Variants in RP1 observed in about 807,000 individuals in gnomAD.
RP1 encodes RP1 axonemal microtubule associated.
Under a neutral mutation model 14.8 loss-of-function variants are expected in RP1, and 16 were observed. That is an observed-to-expected ratio of 1.08 (90% CI 0.73 to 1.65). The LOEUF is 1.65. Ranked by LOEUF, RP1 falls within the 40% of genes most tolerant of loss-of-function variation. The pLI is 0.00. For synonymous variants in RP1, 876 were observed against 883.6 expected, an observed-to-expected ratio of 0.99 and a Z score of 0.15; for missense variants, 2,631 against 2,535.0, an observed-to-expected ratio of 1.04 and a Z score of -0.81.
At chr8:54,613,578 A>G (rs1805645979), upstream of RP1, among the ~76,000 whole-genome samples, 2 of 152,234 alleles carry the variant, frequency 1.3e-5, no homozygotes, top group African/African-American at 4.8e-5. Context: ...TGAAATGTAT[A>G]GAGAGTATAT....
At chr8:54,724,574 T>C (rs186351727) in intron 16 of RP1, among the ~76,000 whole-genome samples, 5 of 152,310 alleles carry the variant, frequency 3.3e-5, no homozygotes, top group Admixed American at 2.6e-4. Flanking sequence ...GATACAGTTT[T>C]CACTTTTTTT....
At chr8:54,864,068 A>C (rs138959055) in intron 27 of RP1, among the ~76,000 whole-genome samples, 6 of 152,328 alleles carry the variant, frequency 3.9e-5, no homozygotes, top group African/African-American at 1.4e-4. Flanking sequence ...GTGAAGTTCA[A>C]ATCTAAAATA....
intron 4 of RP1, among the ~76,000 whole-genome samples, chr8:54,652,053 G>C (rs979991929): frequency 2.0e-5 from 3 of 151,528 alleles, no homozygotes; most frequent in Non-Finnish European, 4.4e-5. Context: ...TCTCGCACAG[G>C]CTGGAGTGCA....
Position 54,589,133 on chromosome 8 carries a change from T to G in RP1, c.-13+29813T>G, listed in dbSNP as rs372155004. 5.3e-4 allele frequency among the ~76,000 whole-genome samples: 80 copies of G among 152,298 alleles called. 3 individuals carry two copies. In the South Asian group the frequency reaches 0.016, roughly 30 times the overall value. On this transcript the variant is annotated intron_variant, in intron 1 of 22. Coordinates refer to the RP1 transcript ENST00000636932. The stretch of plus-strand genomic sequence containing the variant: ...ACTGGGCCTGGCACACAGCAGGCCC[T>G]CTGTAAATCGTTGACTTCCTCTCTC...
At chr8:54,850,149 T>C (rs1271594048) in intron 25 of RP1, among the ~76,000 whole-genome samples, 1 of 152,200 alleles carries the variant, frequency 6.6e-6, no homozygotes, top group Admixed American at 6.5e-5. Context: ...ACAAATCTAC[T>C]TTTTCAAATA....
chr8:54,635,330 G>A (rs1345788713), downstream of RP1, among the ~76,000 whole-genome samples: 1 of 152,128 alleles, frequency 6.6e-6, no homozygotes, highest in Admixed American at 6.6e-5. Context: ...TAACACTAAT[G>A]TTGATAAATG....
rs57660749 is a variant in RP1 at position 54,724,345 on chromosome 8, C to A, written c.2390-2000C>A. On this transcript the variant is annotated intron_variant, in intron 16 of 22. Coordinates refer to the RP1 transcript ENST00000636932. ...TTAAAATAGAAGGTATTCAATAAAA[C>A]AAAAGACTTTTCCTAGTTGATTTTG... Among the ~76,000 whole-genome samples, 2,372 of 152,164 alleles carry A rather than the reference C, an allele frequency of 0.016. 139 individuals are homozygous for A. The East Asian group carries it at 0.18, about 11-fold the overall frequency.
At chr8:54,777,784 C>T (rs1050136836) in intron 23 of RP1, among the ~76,000 whole-genome samples, 11 of 151,994 alleles carry the variant, frequency 7.2e-5, no homozygotes, top group African/African-American at 2.7e-4. Context: ...TTTGCTAAAT[C>T]TCATTTAAAT....
At chr8:54,567,299 A>C (rs892596823) in intron 1 of RP1, among the ~76,000 whole-genome samples, 2 of 152,200 alleles carry the variant, frequency 1.3e-5, no homozygotes, top group Non-Finnish European at 2.9e-5. Flanking sequence ...TATTCTGGTA[A>C]ATGGGCCAGT....
intron 20 of RP1, among the ~76,000 whole-genome samples, chr8:54,755,101 G>A (rs924728515): frequency 3.3e-5 from 5 of 152,240 alleles, no homozygotes; most frequent in African/African-American, 4.8e-5. Flanking sequence ...AGTTGCTGGT[G>A]GATCTTAGAT....
chr8:54,604,365 G>C (rs188651427), intron 1 of RP1, among the ~76,000 whole-genome samples: 34 of 152,276 alleles, frequency 2.2e-4, no homozygotes, highest in East Asian at 2.1e-3. Flanking sequence ...TGTTGAACCA[G>C]CCTTGCATCC....
intron 6 of RP1, among the ~76,000 whole-genome samples, chr8:54,660,196 C>G (rs1361298358): frequency 6.6e-6 from 1 of 151,982 alleles, no homozygotes; most frequent in African/African-American, 2.4e-5. Flanking sequence ...AATTGCAATA[C>G]CTAGAACTTT....
In RP1 at chr8:54,718,649, T is replaced by C. The variant is rs143791828; in HGVS notation, c.2212-1480T>C. ...GAATGTGTAAATTTTGGTACATTGGTACAATGGAGTATTATTCATCAGTAA... is the reference window on the plus strand; with the variant it reads ...GAATGTGTAAATTTTGGTACATTGGCACAATGGAGTATTATTCATCAGTAA... On this transcript the variant is annotated intron_variant, in intron 15 of 22. Transcript: ENST00000636932. Among the ~76,000 whole-genome samples, 11 of 152,300 alleles carry C rather than the reference T, an allele frequency of 7.2e-5. No individual in the cohort carries two copies. In the East Asian group the frequency reaches 2.1e-3, roughly 29 times the overall value.
intron 24 of RP1, among the ~76,000 whole-genome samples, chr8:54,793,762 G>A (rs1810520943): frequency 6.6e-6 from 1 of 151,860 alleles, no homozygotes; most frequent in Non-Finnish European, 1.5e-5. Flanking sequence ...TCAAACATCA[G>A]GAACAAGATA....
At chr8:54,720,887 G>A (rs1272609208) in intron 16 of RP1, among the ~76,000 whole-genome samples, 2 of 152,134 alleles carry the variant, frequency 1.3e-5, no homozygotes, top group Non-Finnish European at 2.9e-5. Flanking sequence ...CTTAAAATGT[G>A]TTTGAACACA....
chr8:54,587,001 C>T (rs1446984428), intron 1 of RP1, among the ~76,000 whole-genome samples: 1 of 152,220 alleles, frequency 6.6e-6, no homozygotes, highest in African/African-American at 2.4e-5. Flanking sequence ...CACCCACTGT[C>T]CTGCACCTAC....
chr8:54,765,129 T>C (rs1809730620), intron 22 of RP1, among the ~76,000 whole-genome samples: 1 of 152,248 alleles, frequency 6.6e-6, no homozygotes, highest in Admixed American at 6.5e-5. Context: ...ATGAGATTCT[T>C]CCGTGGAAGC....
At chr8:54,734,573 G>T in exon 18 of RP1, 1 of 1,535,362 alleles carries the variant, frequency 6.5e-7, no homozygotes, top group Non-Finnish European at 8.7e-7. Context: ...AAAGTAGTGA[G>T]ACTCTTCTGT....
exon 1 of RP1, chr8:54,559,221 C>A (rs1258550467): frequency 6.6e-6 from 1 of 152,178 alleles, no homozygotes; most frequent in Admixed American, 6.5e-5. Flanking sequence ...GCTCACCAGA[C>A]TTCAGCCTCT....
Sources: allele counts gnomAD v4.1 joint callset (sites outside exome capture counted in the v4.1 genomes callset), GRCh38; gene constraint gnomAD v4.1.1; transcripts MANE v1.5; gene names NCBI Gene and HGNC (gene_info 2026-07-23, HGNC 2026-07-21).